SHROOM3: variants seen among roughly 807,000 people sequenced by gnomAD.
The protein encoded by SHROOM3 is protein Shroom3.
Under a neutral mutation model 138.6 loss-of-function variants are expected in SHROOM3, and 47 were observed. The ratio of observed to expected loss-of-function variants is 0.34; its 90% CI spans 0.27 to 0.43. The LOEUF is 0.43. Ranked by LOEUF, SHROOM3 falls within the 20% of genes least tolerant of loss-of-function variation. The pLI is 1.00. For missense variants in SHROOM3, 2,491 were observed against 2,596.5 expected, an observed-to-expected ratio of 0.96 and a Z score of 0.88; for synonymous variants, 1,062 against 1,063.3, an observed-to-expected ratio of 1.00 and a Z score of 0.02.
chr4:76,760,058 G>A (rs560192440), intron 9 of SHROOM3, among the ~76,000 whole-genome samples: 7 of 152,242 alleles, frequency 4.6e-5, no homozygotes, highest in Admixed American at 2.6e-4. Context: ...CAGTGCCAAC[G>A]GTGTGTGTAA....
At chr4:76,636,250 G>A (rs1735490760) in intron 2 of SHROOM3, among the ~76,000 whole-genome samples, 1 of 152,150 alleles carries the variant, frequency 6.6e-6, no homozygotes, top group South Asian at 2.1e-4. Context: ...AATATTTCAA[G>A]AAACACCCAG....
Position 76,654,922 on chromosome 4 carries a change from C to T in SHROOM3, c.324-55234C>T, listed in dbSNP as rs542501444. Among the ~76,000 whole-genome samples, 55 of 152,154 alleles carry T rather than the reference C, an allele frequency of 3.6e-4. 1 individual carries two copies. Among genetic ancestry groups the T allele is most frequent in the Non-Finnish European group, 2.5e-4 (17 of 68,002 alleles). The stretch of plus-strand genomic sequence containing the variant: ...GTCACACAGCTATTGAGTAGAGAAG[C>T]CAGGATTTGAGATCTATTTGACTAT... On this transcript the variant is annotated intron_variant, in intron 2 of 10. Coordinates refer to ENST00000296043, the MANE Select transcript of SHROOM3 (RefSeq NM_020859.4).
At chr4:76,508,846 TGGGA>T (rs2110003795) in intron 1 of SHROOM3, among the ~76,000 whole-genome samples, 2 of 152,356 alleles carry the variant, frequency 1.3e-5, no homozygotes, top group East Asian at 3.9e-4. Context: ...TTATGGAGTC[TGGGA>T]AGTCCAGGAT....
chr4:76,754,500 G>A lies in SHROOM3; in HGVS notation c.4017G>A (p.Thr1339=), dbSNP rs369959640. Reference sequence around the variant, plus strand: ...GCCCCAGGCCACCACTGGCAGGAACGCAAGGGCTGGTCACAGACACCAGGG... The same window carrying A: ...GCCCCAGGCCACCACTGGCAGGAACACAAGGGCTGGTCACAGACACCAGGG... ...TPCPRPPLAG[T]QGLVTDTRAA... The change falls in exon 7 of 11, where the codon ACG becomes ACA. Residue 1339 remains threonine, a synonymous_variant. Transcript: ENST00000296043. 154 of 1,614,044 alleles carry A rather than the reference G, an allele frequency of 9.5e-5. 2 individuals are homozygous for A. In the Middle Eastern group the frequency reaches 3.3e-3, roughly 35 times the overall value.
intron 2 of SHROOM3, among the ~76,000 whole-genome samples, chr4:76,630,902 A>G (rs1322990697): frequency 1.3e-5 from 2 of 152,208 alleles, no homozygotes; most frequent in Non-Finnish European, 2.9e-5. Flanking sequence ...CTGAGTTCCA[A>G]TGGGTCATTA....
intron 1 of SHROOM3, among the ~76,000 whole-genome samples, chr4:76,515,044 G>A (rs1007081613): frequency 2.6e-5 from 4 of 151,918 alleles, no homozygotes; most frequent in Admixed American, 6.6e-5. Flanking sequence ...GTGAAACCCC[G>A]TCTCTACTAC....
intron 3 of SHROOM3, among the ~76,000 whole-genome samples, chr4:76,713,353 A>C (rs1720286521): frequency 1.3e-4 from 20 of 151,804 alleles, no homozygotes; most frequent in Admixed American, 1.3e-3. Flanking sequence ...TCTTTTAAAC[A>C]TTTTTGTTAA....
In SHROOM3 at chr4:76,745,291, G is replaced by C. The variant is rs546349980; in HGVS notation, c.3753+3365G>C. Among the ~76,000 whole-genome samples, 20 of 152,274 alleles carry C rather than the reference G, an allele frequency of 1.3e-4. No individual in the cohort carries two copies. The Middle Eastern group carries it at 0.01, about 78-fold the overall frequency. On this transcript the variant is annotated intron_variant, in intron 5 of 10. Coordinates refer to ENST00000296043, the MANE Select transcript of SHROOM3 (RefSeq NM_020859.4). Reference sequence around the variant, plus strand: ...GAAATGTATATCTGTTCATTGCATAGATTTAAAATATAGTAGAGACTATAA... The same window carrying C: ...GAAATGTATATCTGTTCATTGCATACATTTAAAATATAGTAGAGACTATAA...
chr4:76,674,899 C>A (rs905321690), intron 2 of SHROOM3, among the ~76,000 whole-genome samples: 2 of 152,100 alleles, frequency 1.3e-5, no homozygotes, highest in African/African-American at 4.8e-5. Flanking sequence ...CCCCACTCAT[C>A]CTCCCCATTC....
intron 2 of SHROOM3, among the ~76,000 whole-genome samples, chr4:76,602,760 G>C (rs1734532275): frequency 6.6e-6 from 1 of 152,130 alleles, no homozygotes; most frequent in Non-Finnish European, 1.5e-5. Context: ...GGACCCTGGA[G>C]CCAGACTGCC....
chr4:76,756,980 T>C, intron 8 of SHROOM3, 43 bp downstream of exon 8: 4 of 1,612,936 alleles, frequency 2.5e-6, no homozygotes, highest in Non-Finnish European at 3.4e-6. Context: ...ACAATCACAC[T>C]CCTTCCATGG....
chr4:76,706,085 A>G (rs1720036960), intron 2 of SHROOM3, among the ~76,000 whole-genome samples: 1 of 152,156 alleles, frequency 6.6e-6, no homozygotes, highest in African/African-American at 2.4e-5. Flanking sequence ...TCAACAAAGT[A>G]TGCTAGAGAA....
intron 2 of SHROOM3, among the ~76,000 whole-genome samples, chr4:76,652,522 A>G (rs2110089076): frequency 6.6e-6 from 1 of 152,366 alleles, no homozygotes; most frequent in East Asian, 1.9e-4. Flanking sequence ...GGTTACACAT[A>G]GCTGATGGGA....
In SHROOM3 at chr4:76,459,027, G is replaced by T. The variant is rs142464443; in HGVS notation, c.168+22807G>T. Among the ~76,000 whole-genome samples, 803 of 152,178 alleles carry T rather than the reference G, an allele frequency of 5.3e-3. 8 individuals carry two copies. The highest frequency in any genetic ancestry group is 0.019 in the African/African-American group (771 of 41,496). ...CAGCAGGGGGGCGGGGATTGGAAAGGGCCTGGAGCAGCTGCGGTTCATTTG... is the reference window on the plus strand; with the variant it reads ...CAGCAGGGGGGCGGGGATTGGAAAGTGCCTGGAGCAGCTGCGGTTCATTTG... On this transcript the variant is annotated intron_variant, in intron 1 of 10. Coordinates refer to ENST00000296043, the MANE Select transcript of SHROOM3 (RefSeq NM_020859.4).
At chr4:76,715,225 C>G (rs1232090785) in intron 3 of SHROOM3, among the ~76,000 whole-genome samples, 1 of 152,020 alleles carries the variant, frequency 6.6e-6, no homozygotes, top group Non-Finnish European at 1.5e-5. Context: ...AGAAAATAGC[C>G]AGGAAGGATC....
chr4:76,675,952 G>T (rs1719015299), intron 2 of SHROOM3, among the ~76,000 whole-genome samples: 1 of 152,192 alleles, frequency 6.6e-6, no homozygotes, highest in Non-Finnish European at 1.5e-5. Context: ...GATACAGGCT[G>T]AGGAACAAAG....
At chr4:76,577,174 T>C (rs1326868747) in intron 2 of SHROOM3, among the ~76,000 whole-genome samples, 1 of 152,226 alleles carries the variant, frequency 6.6e-6, no homozygotes. Flanking sequence ...TCAGTGTGTC[T>C]GTTGAGATAA....
At chr4:76,583,320 AC>A (rs1276075060) in intron 2 of SHROOM3, among the ~76,000 whole-genome samples, 1 of 152,034 alleles carries the variant, frequency 6.6e-6, no homozygotes, top group Non-Finnish European at 1.5e-5. Context: ...CCACCCAACC[AC>A]CCAAGGGTGA....
chr4:76,546,461 G>A (rs767467484), intron 1 of SHROOM3, among the ~76,000 whole-genome samples: 81 of 152,314 alleles, frequency 5.3e-4, no homozygotes, highest in Admixed American at 1.1e-3. Context: ...AAACAATGCT[G>A]AGTAATTTCG....
Sources: gnomAD v4.1 joint callset for allele counts (sites outside exome capture counted in the v4.1 genomes callset) on GRCh38, gnomAD v4.1.1 for gene constraint, MANE v1.5 for transcripts, NCBI Gene and HGNC (gene_info 2026-07-23, HGNC 2026-07-21) for gene names.